Variants in NEDD9 observed in about 807,000 individuals in gnomAD.
NEDD9 encodes neural precursor cell expressed, developmentally down-regulated 9.
NEDD9 carries 26 observed loss-of-function variants against 76.6 expected under a neutral mutation model. That is an observed-to-expected ratio of 0.34 (90% CI 0.25 to 0.47). NEDD9 has a LOEUF of 0.47. Ranked by LOEUF, NEDD9 falls within the 20% of genes least tolerant of loss-of-function variation. The pLI, the probability that NEDD9 is intolerant of heterozygous loss-of-function variation, is 1.00. For synonymous variants in NEDD9, 392 were observed against 414.2 expected (o/e 0.95, Z 0.65); for missense variants, 937 against 1,058.5 (o/e 0.89, Z 1.59).
intron 3 of NEDD9, among the ~76,000 whole-genome samples, chr6:11,265,320 A>G (rs1041845099): frequency 2.6e-5 from 4 of 152,222 alleles, no homozygotes; most frequent in Non-Finnish European, 5.9e-5. Context: ...AATATCAGCA[A>G]TGGTTATTTC....
Position 11,183,396 on chromosome 6 carries a change from T to C in NEDD9, c.*1766A>G, listed in dbSNP as rs1045706000. ...GATTGAACATTTGGTTTTAAAAATGTGAAATGTCTCCACTTAGCGTAGATC... is the reference window on the plus strand; with the variant it reads ...GATTGAACATTTGGTTTTAAAAATGCGAAATGTCTCCACTTAGCGTAGATC... On this transcript the variant is annotated 3_prime_UTR_variant, in exon 7 of 7. Transcript: ENST00000379446. The C allele has an allele frequency of 6.6e-6, 1 of 152,222 alleles. No individual in the cohort carries two copies. Among genetic ancestry groups the C allele is most frequent in the African/African-American group, 2.4e-5 (1 of 41,454 alleles). 9.4% of individuals were successfully genotyped at this position (152,222 alleles called of 1,614,324 possible). A position where few individuals can be genotyped will look rare whatever the true frequency, so the allele number is the denominator to read the frequency against.
At chr6:11,319,559 G>A in intron 2 of NEDD9, among the ~76,000 whole-genome samples, 1 of 131,958 alleles carries the variant, frequency 7.6e-6, no homozygotes, top group East Asian at 2.4e-4. Context: ...CTAACATGCG[G>A]ACACACACAC....
At chr6:11,221,530 A>G (rs374152921) in intron 1 of NEDD9, among the ~76,000 whole-genome samples, 4 of 152,112 alleles carry the variant, frequency 2.6e-5, no homozygotes, top group Admixed American at 6.6e-5. Context: ...TTCTAACCCA[A>G]TCTCCTTATT....
intron 1 of NEDD9, among the ~76,000 whole-genome samples, chr6:11,356,002 T>G (rs1365778836): frequency 6.6e-6 from 1 of 152,196 alleles, no homozygotes; most frequent in Non-Finnish European, 1.5e-5. Flanking sequence ...ATTGCAGGCG[T>G]GAGCCACCAT....
chr6:11,243,840 T>C (rs1429269555), intron 3 of NEDD9, among the ~76,000 whole-genome samples: 1 of 152,216 alleles, frequency 6.6e-6, no homozygotes, highest in Non-Finnish European at 1.5e-5. Context: ...AGCCCTCATT[T>C]TCTACTGCAC....
intron 2 of NEDD9, among the ~76,000 whole-genome samples, chr6:11,317,380 T>C (rs1424361568): frequency 1.3e-5 from 2 of 150,072 alleles, no homozygotes; most frequent in Admixed American, 6.6e-5. Flanking sequence ...TAGCAGTGAG[T>C]ACTCCAGCCT....
In NEDD9 at chr6:11,183,525, A is replaced by G. The variant is rs532084751; in HGVS notation, c.*1637T>C. 9.2e-5 allele frequency: 14 copies of G among 152,362 alleles called. No individual in the cohort carries two copies. Among genetic ancestry groups the G allele is most frequent in the Non-Finnish European group, 1.8e-4 (12 of 68,034 alleles). 9.4% of individuals were successfully genotyped at this position (152,362 alleles called of 1,614,324 possible). On this transcript the variant is annotated 3_prime_UTR_variant, in exon 7 of 7. Transcript: ENST00000379446. ...GTTGATTTTCAGCAACCCTCTTCCC[A>G]CATGAACATTTCCTTGTAATGTAAT...
chr6:11,306,971 G>T (rs1034143185), intron 2 of NEDD9, among the ~76,000 whole-genome samples: 1 of 152,142 alleles, frequency 6.6e-6, no homozygotes. Flanking sequence ...TGTATTTGTA[G>T]GCTATAGTTG....
At chr6:11,229,768 G>T (rs780612209) in intron 1 of NEDD9, among the ~76,000 whole-genome samples, 1 of 152,190 alleles carries the variant, frequency 6.6e-6, no homozygotes, top group East Asian at 1.9e-4. Context: ...AACATACAGG[G>T]AAATAAAGAC....
intron 3 of NEDD9, among the ~76,000 whole-genome samples, chr6:11,277,862 G>A (rs1367567635): frequency 2.0e-5 from 3 of 152,102 alleles, no homozygotes; most frequent in Non-Finnish European, 2.9e-5. Flanking sequence ...TAGCTAACTC[G>A]GCTGGTTCTT....
upstream of NEDD9, chr6:11,233,554 A>G (rs1667425497): frequency 1.7e-5 from 9 of 518,414 alleles, no homozygotes; most frequent in African/African-American, 3.9e-5. Context: ...TGTCCTGAGG[A>G]TGACCCATTA....
chr6:11,334,676 T>C (rs978760588), intron 1 of NEDD9: 1 of 152,278 alleles, frequency 6.6e-6, no homozygotes, highest in Non-Finnish European at 1.5e-5. Flanking sequence ...ATCATTTTAA[T>C]GGGCATTTCT....
chr6:11,228,304 G>GT (rs1759368832), intron 1 of NEDD9, among the ~76,000 whole-genome samples: 1 of 152,188 alleles, frequency 6.6e-6, no homozygotes, highest in Admixed American at 6.5e-5. Context: ...GCTGAGGCAG[G>GT]TGGATCACCT....
At chr6:11,204,058 G>A (rs1758530802) in intron 2 of NEDD9, among the ~76,000 whole-genome samples, 2 of 151,940 alleles carry the variant, frequency 1.3e-5, no homozygotes, top group Admixed American at 6.6e-5. Context: ...AAGGATATCT[G>A]GATCATAAAA....
chr6:11,210,766 G>GAGAGAGAGA (rs1758762142), intron 2 of NEDD9, among the ~76,000 whole-genome samples: 1 of 121,854 alleles, frequency 8.2e-6, no homozygotes, highest in South Asian at 2.9e-4. Flanking sequence ...AGGGATGGGG[G>GAGAGAGAGA]GAGAGAGAGA....
chr6:11,264,818 T>C (rs1192513376), intron 3 of NEDD9, among the ~76,000 whole-genome samples: 1 of 152,198 alleles, frequency 6.6e-6, no homozygotes, highest in African/African-American at 2.4e-5. Context: ...AAAGCACAGT[T>C]TAAAAATAAC....
Position 11,318,063 on chromosome 6 carries a change from G to C in NEDD9, c.-152-11908C>G, listed in dbSNP as rs535285812. On this transcript the variant is annotated intron_variant, in intron 2 of 3. Transcript: ENST00000397378. ...TTTCTCACCTTTGGACTTAAATGGA[G>C]ATATCAGATCTTCCTGGGTCTCAAA... is the stretch of plus-strand genomic sequence containing the variant. Among the ~76,000 whole-genome samples the C allele has an allele frequency of 3.8e-4, 58 of 152,252 alleles. 1 individual carries two copies. In the Middle Eastern group the frequency reaches 0.02, roughly 54 times the overall value.
At chr6:11,296,674 CCTTTCCCTTCCTT>C (rs1316886000) in intron 3 of NEDD9, among the ~76,000 whole-genome samples, 54 of 88,280 alleles carry the variant, frequency 6.1e-4, no homozygotes, top group Middle Eastern at 4.5e-3. Context: ...CCTTTCCTTT[CCTTTCCCTTCCTT>C]CCTTCCTTCC....
rs1051994295 is a variant in NEDD9, at chr6:11,362,666, G to A, written c.-214+19473C>T. ...TGTAGGTGTCAAAATCTGGCACTGC[G>A]TTGACTATAGTCATCCAGGAAATAG... On this transcript the variant is annotated intron_variant, in intron 1 of 3. Transcript: ENST00000397378. Among the ~76,000 whole-genome samples the A allele has an allele frequency of 4.6e-5, 7 of 152,308 alleles. No homozygotes were observed. The East Asian group carries it at 5.8e-4, about 13-fold the overall frequency.
Sources: allele counts gnomAD v4.1 joint callset (sites outside exome capture counted in the v4.1 genomes callset), GRCh38; gene constraint gnomAD v4.1.1; transcripts MANE v1.5; gene names NCBI Gene and HGNC (gene_info 2026-07-23, HGNC 2026-07-21).